RADIL: variants seen among roughly 807,000 people sequenced by gnomAD.
The protein encoded by RADIL is Rap associating with DIL domain.
A neutral mutation model predicts 97.6 loss-of-function variants in RADIL; 99 were observed. The ratio of observed to expected loss-of-function variants is 1.01; its 90% confidence interval spans 0.86 to 1.20. The LOEUF is 1.20. RADIL is among the 50% of genes most tolerant of loss of function. RADIL has a pLI of 0.00. For missense variants in RADIL, 1,765 were observed against 1,498.9 expected, an observed-to-expected ratio of 1.18 and a Z score of -2.93; for synonymous variants, 803 against 691.8, an observed-to-expected ratio of 1.16 and a Z score of -2.52.
chr7:4,876,883 G>A (rs11982178), intron 2 of RADIL, among the ~76,000 whole-genome samples: 5,572 of 152,292 alleles, frequency 0.037, 315 homozygotes, highest in African/African-American at 0.12. Context: ...GCAATGCCAC[G>A]TAGGTTTTGG....
Position 4,815,160 on chromosome 7 carries a change from T to G in RADIL, c.2139+118A>C. On this transcript the variant is annotated intron_variant, in intron 9 of 14. Transcript: ENST00000399583. The surrounding 1 kb of genome is among the most constrained non-coding windows in gnomAD (Gnocchi z 8.0). ...ACTTTTCTGATTACCTACGGTAGCTTTGAGGTTTCCAGCCAAGAAGCCCCG... is the reference window on the plus strand; with the variant it reads ...ACTTTTCTGATTACCTACGGTAGCTGTGAGGTTTCCAGCCAAGAAGCCCCG... The G allele has an allele frequency of 7.9e-7, 1 of 1,259,378 alleles. No individual in the cohort carries two copies. The highest frequency in any genetic ancestry group is 1.1e-6 in the Non-Finnish European group (1 of 940,482). 78.0% of individuals were successfully genotyped at this position (1,259,378 alleles called of 1,614,324 possible).
intron 5 of RADIL, among the ~76,000 whole-genome samples, chr7:4,827,425 C>T (rs558240882): frequency 5.8e-4 from 88 of 151,466 alleles, no homozygotes; most frequent in Non-Finnish European, 1.0e-3. Flanking sequence ...TTTGGGAGGC[C>T]GAGGTGGGCG....
intron 2 of RADIL, among the ~76,000 whole-genome samples, chr7:4,874,387 C>G (rs1445742053): frequency 6.6e-6 from 1 of 152,258 alleles, no homozygotes; most frequent in Non-Finnish European, 1.5e-5. Context: ...CTGGGTCTAG[C>G]CTTCCCCCGG....
At chr7:4,803,834 G>A in intron 10 of RADIL, 80 bp from the exon 11 acceptor site, 1 of 1,296,838 alleles carries the variant, frequency 7.7e-7, no homozygotes, top group Non-Finnish European at 1.1e-6. Flanking sequence ...AACGGTGTGG[G>A]AACCCAGGGG....
rs1208661196 is a variant in RADIL at position 4,837,011 on chromosome 7, A to G, written c.536-406T>C. ...TTCTGAGTTCAAATCCCACTAAGCC[A>G]CGTCTCCTAATGCCGTTACTGTTCT... is the stretch of plus-strand genomic sequence containing the variant. On this transcript the variant is annotated intron_variant, in intron 2 of 14. Coordinates refer to ENST00000399583, the MANE Select transcript of RADIL (RefSeq NM_018059.5). This position sits in a 1 kb window ranked among gnomAD's most constrained non-coding sequence, Gnocchi z 5.6. Among the ~76,000 whole-genome samples, 1 of 152,098 alleles carries G rather than the reference A, an allele frequency of 6.6e-6. No individual in the cohort carries two copies. Among genetic ancestry groups the G allele is most frequent in the Non-Finnish European group, 1.5e-5 (1 of 68,004 alleles).
At chr7:4,807,365 G>C (rs1312264023) in intron 9 of RADIL, among the ~76,000 whole-genome samples, 2 of 152,024 alleles carry the variant, frequency 1.3e-5, no homozygotes, top group South Asian at 4.1e-4. Flanking sequence ...CTGTTTGATT[G>C]TGAGTTCCTA....
chr7:4,803,924 AG>A lies in RADIL; in HGVS notation c.2291-171del, dbSNP rs769071529. ...TGGCCACAGTGACTGGCCCCACCCT[AG>A]GACTCATCCCTTCTGAATTCCCGCC... On this transcript the variant is annotated intron_variant, in intron 10 of 14. Coordinates refer to ENST00000399583, the MANE Select transcript of RADIL (RefSeq NM_018059.5). 3 of 712,170 alleles carry A rather than the reference AG, an allele frequency of 4.2e-6. No individual in the cohort carries two copies. The South Asian group carries it at 4.5e-5, about 11-fold the overall frequency. 44.1% of individuals were successfully genotyped at this position (712,170 alleles called of 1,614,324 possible). A position where few individuals can be genotyped will look rare whatever the true frequency, so the allele number is the denominator to read the frequency against.
At chr7:4,881,449 G>A (rs1191111208) in intron 1 of RADIL, among the ~76,000 whole-genome samples, 2 of 146,840 alleles carry the variant, frequency 1.4e-5, no homozygotes, top group Admixed American at 7.0e-5. Context: ...AAAATTGGCT[G>A]GGCATGGTGG....
intron 2 of RADIL, among the ~76,000 whole-genome samples, chr7:4,850,028 G>A (rs1783669285): frequency 1.3e-5 from 2 of 151,990 alleles, no homozygotes; most frequent in South Asian, 4.1e-4. Context: ...AATACATAGA[G>A]TGTTTCGTCT....
intron 2 of RADIL, among the ~76,000 whole-genome samples, chr7:4,870,740 G>A (rs1307790979): frequency 3.3e-5 from 5 of 152,164 alleles, no homozygotes; most frequent in South Asian, 2.1e-4. Flanking sequence ...CACCGTGCCC[G>A]ACTATTTTAT....
chr7:4,870,166 AAAAC>A (rs1452016604), intron 2 of RADIL, among the ~76,000 whole-genome samples: 1 of 152,152 alleles, frequency 6.6e-6, no homozygotes, highest in African/African-American at 2.4e-5. Flanking sequence ...AACAACAACA[AAAAC>A]AAAGATGGAC....
intron 9 of RADIL, chr7:4,809,316 T>A (rs1384396838): frequency 2.0e-6 from 2 of 985,350 alleles, no homozygotes; most frequent in African/African-American, 3.5e-5. Context: ...CTCGGCCTAG[T>A]TTCCCTAGCC....
rs562280243 is a variant in RADIL at position 4,818,981 on chromosome 7, A to G, written c.1616-1630T>C. ...TTGCCCAGGCTGGTCTGGAACTCCA[A>G]TCTACCCGCCTTGGCCCCCCAAAGT... On this transcript the variant is annotated intron_variant, in intron 6 of 14. Coordinates refer to ENST00000399583, the MANE Select transcript of RADIL (RefSeq NM_018059.5). This position sits in a 1 kb window ranked among gnomAD's most constrained non-coding sequence, Gnocchi z 7.1. Among the ~76,000 whole-genome samples the G allele has an allele frequency of 1.9e-4, 28 of 151,226 alleles. No individual in the cohort carries two copies. The highest frequency in any genetic ancestry group is 4.2e-4 in the South Asian group (2 of 4,756).
rs998323930 is a variant in RADIL, at chr7:4,875,957, C to A, written c.535+1648G>T. Among the ~76,000 whole-genome samples, 7 of 152,072 alleles carry A rather than the reference C, an allele frequency of 4.6e-5. No homozygotes were observed. The East Asian group carries it at 7.7e-4, about 17-fold the overall frequency. On this transcript the variant is annotated intron_variant, in intron 2 of 14. Transcript: ENST00000399583. Reference sequence around the variant, plus strand: ...AGGCAATTGGGGGTGCTTGTCTGAGCAGACTTTAAGAGCCATAATTAAAGC... The same window carrying A: ...AGGCAATTGGGGGTGCTTGTCTGAGAAGACTTTAAGAGCCATAATTAAAGC...
At chr7:4,858,052 A>C (rs1198625996) in intron 2 of RADIL, 1 of 152,638 alleles carries the variant, frequency 6.6e-6, no homozygotes, top group African/African-American at 2.4e-5. Flanking sequence ...AGCCATTCAA[A>C]ATACAGATAT....
At position 4,798,058 on chromosome 7, in the gene RADIL, A is replaced by C. The variant is rs1180605499; in HGVS notation, c.*1320T>G. 2 of 147,662 alleles carry C rather than the reference A, an allele frequency of 1.4e-5. No individual in the cohort carries two copies. The highest frequency in any genetic ancestry group is 3.0e-5 in the Non-Finnish European group (2 of 67,258). The allele number at this position is 147,662 out of a possible 1,614,324, so 9.1% of individuals were successfully genotyped here. A position where few individuals can be genotyped will look rare whatever the true frequency, so the allele number is the denominator to read the frequency against. ...TATACGAATATATTACGTATACATGAATATGTAATATATTCATATATAATT... is the reference window on the plus strand; with the variant it reads ...TATACGAATATATTACGTATACATGCATATGTAATATATTCATATATAATT... On this transcript the variant is annotated 3_prime_UTR_variant, in exon 15 of 15. Transcript: ENST00000399583.
At position 4,824,203 on chromosome 7, in the gene RADIL, TGGGGGGATTCTAA is replaced by T. The variant is rs1782912072; in HGVS notation, c.1455-1662_1455-1650del. Among the ~76,000 whole-genome samples the T allele has an allele frequency of 1.3e-5, 2 of 152,114 alleles. No individual in the cohort carries two copies. The highest frequency in any genetic ancestry group is 1.3e-4 in the Admixed American group (2 of 15,272). On this transcript the variant is annotated intron_variant, in intron 5 of 14. Transcript: ENST00000399583. This position sits in a 1 kb window ranked among gnomAD's most constrained non-coding sequence, Gnocchi z 6.7. ...ACCCCTTGTCACCTGTGTCCCTTACTGGGGGGATTCTAAGGGGTGAGCCAGGCAGCTGCCACTC... is the reference window on the plus strand; with the variant it reads ...ACCCCTTGTCACCTGTGTCCCTTACTGGGGTGAGCCAGGCAGCTGCCACTC...
In RADIL at chr7:4,840,912, A is replaced by T. The variant is rs1448798023; in HGVS notation, c.536-4307T>A. 6.6e-6 allele frequency among the ~76,000 whole-genome samples: 1 copy of T among 152,208 alleles called. No individual in the cohort carries two copies. The highest frequency in any genetic ancestry group is 1.5e-5 in the Non-Finnish European group (1 of 68,032). ...AACCCAGGAGGTGGAGGTTGCAGTG[A>T]CCTGAGATCGCACCACTGCACTCCA... On this transcript the variant is annotated intron_variant, in intron 2 of 14. Coordinates refer to ENST00000399583, the MANE Select transcript of RADIL (RefSeq NM_018059.5). The surrounding 1 kb of genome is among the most constrained non-coding windows in gnomAD (Gnocchi z 5.6).
rs777206834 is a variant in RADIL, at chr7:4,799,630, C to T, written c.3122G>A (p.Arg1041Lys). The T allele has an allele frequency of 1.9e-6, 3 of 1,605,520 alleles. No homozygotes were observed. The highest frequency in any genetic ancestry group is 2.6e-6 in the Non-Finnish European group (3 of 1,176,358). The change falls in exon 14 of 15, where the codon AGA (arginine) becomes AAA (lysine). Residue 1041 changes from arginine (R) to lysine (K), a missense_variant and splice_region_variant. Coordinates refer to ENST00000399583, the MANE Select transcript of RADIL (RefSeq NM_018059.5). ...CCGGGCGTGCATGCGGTGGGGGTACCTCAGGTAGCCAAGGCCCAGGAGGCT... is the reference window on the plus strand; with the variant it reads ...CCGGGCGTGCATGCGGTGGGGGTACTTCAGGTAGCCAAGGCCCAGGAGGCT... Reference protein sequence around the residue: ...GSSLLGLGYLRAVDLIRHGGK... With the variant: ...GSSLLGLGYLKAVDLIRHGGK...
Sources: gnomAD v4.1 joint callset for allele counts (sites outside exome capture counted in the v4.1 genomes callset) on GRCh38, gnomAD v4.1.1 for gene constraint, Gnocchi (gnomAD v3.1) non-coding constraint, MANE v1.5 for transcripts, NCBI Gene and HGNC (gene_info 2026-07-23, HGNC 2026-07-21) for gene names.